Variants in GAB2 observed in about 807,000 individuals in gnomAD.
GAB2 encodes GRB2-associated-binding protein 2.
GAB2 carries 26 observed loss-of-function variants against 65.5 expected under a neutral mutation model. That is an observed-to-expected ratio of 0.40 (90% CI 0.29 to 0.55). The LOEUF (loss-of-function observed/expected upper bound fraction) is 0.55. GAB2 is among the 20% of genes least tolerant of loss of function. The pLI is 0.53. For missense variants in GAB2, 884 were observed against 875.8 expected (o/e 1.01, Z -0.12); for synonymous variants, 321 against 329.6 (o/e 0.97, Z 0.28).
intron 3 of GAB2, among the ~76,000 whole-genome samples, chr11:78,228,768 A>G (rs1864758148): frequency 6.7e-6 from 1 of 148,548 alleles, no homozygotes; most frequent in Non-Finnish European, 1.5e-5. Context: ...CCAAGCCAAC[A>G]GCCATGGGCT....
chr11:78,356,594 A>C (rs1265603957), intron 1 of GAB2, among the ~76,000 whole-genome samples: 1 of 152,226 alleles, frequency 6.6e-6, no homozygotes, highest in Non-Finnish European at 1.5e-5. Context: ...TTGAGCAATT[A>C]AGTTAGCCTA....
At chr11:78,261,065 ATG>A (rs1239718466) in intron 2 of GAB2, among the ~76,000 whole-genome samples, 1 of 137,210 alleles carries the variant, frequency 7.3e-6, no homozygotes. Context: ...ATATGTATGT[ATG>A]TATATATATA....
rs533236792 is a variant in GAB2, at chr11:78,330,323, G to T, written c.76-49422C>A. Among the ~76,000 whole-genome samples the T allele has an allele frequency of 3.3e-5, 5 of 152,250 alleles. No individual in the cohort carries two copies. The South Asian group carries it at 6.2e-4, about 19-fold the overall frequency. On this transcript the variant is annotated intron_variant, in intron 1 of 9. Coordinates refer to ENST00000361507, the MANE Select transcript of GAB2 (RefSeq NM_080491.3). ...TTCCATTTCTCACAGTGATCCCTGG[G>T]TATAAAAATAAAGAAGTTTGAGTGA...
chr11:78,392,566 T>A (rs1856847514), intron 1 of GAB2, among the ~76,000 whole-genome samples: 3 of 152,140 alleles, frequency 2.0e-5, no homozygotes, highest in Admixed American at 6.5e-5. Flanking sequence ...AGTAACTTTG[T>A]GGAATGATCG....
intron 1 of GAB2, among the ~76,000 whole-genome samples, chr11:78,359,284 C>T (rs1232684463): frequency 1.3e-5 from 2 of 152,094 alleles, no homozygotes; most frequent in Non-Finnish European, 2.9e-5. Context: ...ATAGAAACCA[C>T]ATATGGTAAT....
chr11:78,326,400 T>A (rs1164943810), intron 1 of GAB2, among the ~76,000 whole-genome samples: 1 of 152,224 alleles, frequency 6.6e-6, no homozygotes, highest in East Asian at 1.9e-4. Context: ...TTATTTGGAT[T>A]TCTTTATAAA....
chr11:78,327,480 A>G (rs1014682570), intron 1 of GAB2, among the ~76,000 whole-genome samples: 4 of 152,350 alleles, frequency 2.6e-5, no homozygotes, highest in South Asian at 4.1e-4. Context: ...GAAGCATGGA[A>G]CAAAGGAAAT....
At chr11:78,274,433 A>G (rs1866109996) in intron 2 of GAB2, among the ~76,000 whole-genome samples, 1 of 152,172 alleles carries the variant, frequency 6.6e-6, no homozygotes, top group African/African-American at 2.4e-5. Context: ...CTACACAGAA[A>G]ACAATGTGAA....
intron 1 of GAB2, among the ~76,000 whole-genome samples, chr11:78,386,030 C>G (rs115265108): frequency 0.017 from 2,649 of 152,324 alleles, 90 homozygotes; most frequent in African/African-American, 0.062. Context: ...CATCCCCAGT[C>G]AGTGCCTGAG....
intron 3 of GAB2, among the ~76,000 whole-genome samples, chr11:78,245,618 G>A (rs948301057): frequency 2.0e-5 from 3 of 152,192 alleles, no homozygotes; most frequent in African/African-American, 4.8e-5. Context: ...AGAAAACCAG[G>A]TGAAAACCTC....
At chr11:78,247,049 G>T (rs901052002) in intron 3 of GAB2, among the ~76,000 whole-genome samples, 1 of 152,026 alleles carries the variant, frequency 6.6e-6, no homozygotes, top group Admixed American at 6.5e-5. Context: ...GCCCCAATGG[G>T]GCTCCTCTTC....
chr11:78,366,354 T>C (rs529578062), intron 1 of GAB2, among the ~76,000 whole-genome samples: 43 of 152,034 alleles, frequency 2.8e-4, no homozygotes, highest in African/African-American at 1.0e-3. Context: ...CCGAGGCAGG[T>C]GGATCACCTG....
chr11:78,357,485 G>A (rs986770500), intron 1 of GAB2, among the ~76,000 whole-genome samples: 2 of 152,142 alleles, frequency 1.3e-5, no homozygotes, highest in South Asian at 2.1e-4. Flanking sequence ...GCAACCTACA[G>A]AATGGGAGAA....
intron 1 of GAB2, among the ~76,000 whole-genome samples, chr11:78,364,776 T>A (rs752484314): frequency 2.0e-5 from 3 of 152,144 alleles, no homozygotes; most frequent in Non-Finnish European, 2.9e-5. Context: ...TCCTGAGAAA[T>A]TTTCCCCAAA....
rs1335395792 is a variant in GAB2 at position 78,216,818 on chromosome 11, G to T, written c.*2454C>A. The T allele has an allele frequency of 2.0e-5, 3 of 152,200 alleles. No individual in the cohort carries two copies. The highest frequency in any genetic ancestry group is 4.4e-5 in the Non-Finnish European group (3 of 68,070). 9.4% of individuals were successfully genotyped at this position (152,200 alleles called of 1,614,324 possible). A position where few individuals can be genotyped will look rare whatever the true frequency, so the allele number is the denominator to read the frequency against. ...CCAGTTAAAAGCTCTGTCGTATGGG[G>T]CCCCTTGTAGGGGGCCTTTAAGGCA... On this transcript the variant is annotated 3_prime_UTR_variant, in exon 10 of 10. Coordinates refer to ENST00000361507, the MANE Select transcript of GAB2 (RefSeq NM_080491.3).
chr11:78,369,788 C>T (rs1856543178), intron 1 of GAB2, among the ~76,000 whole-genome samples: 1 of 152,144 alleles, frequency 6.6e-6, no homozygotes, highest in African/African-American at 2.4e-5. Context: ...TCGGACACTA[C>T]TATAAAGATA....
Position 78,226,620 on chromosome 11 carries a change from G to GCCC in GAB2, c.1051_1052insGGG (p.Pro351delinsArgAla). 2.0e-6 allele frequency: 3 copies of GCCC among 1,500,468 alleles called. No individual in the cohort carries two copies. The highest frequency in any genetic ancestry group is 2.3e-5 in the South Asian group (2 of 88,862). 92.9% of individuals were successfully genotyped at this position (1,500,468 alleles called of 1,614,324 possible). Reference sequence around the variant, plus strand: ...ACTTGGCTTGGGGGGGCGGGGTGGGGGAGCTATGGCTGAGTCCCCAGGAGT... The same window carrying GCCC: ...ACTTGGCTTGGGGGGGCGGGGTGGGGCCCGAGCTATGGCTGAGTCCCCAGGAGT... On this transcript the variant is annotated protein_altering_variant, in exon 4 of 10. Coordinates refer to ENST00000361507, the MANE Select transcript of GAB2 (RefSeq NM_080491.3).
chr11:78,331,771 C>T (rs1022042632), intron 1 of GAB2, among the ~76,000 whole-genome samples: 42 of 152,118 alleles, frequency 2.8e-4, no homozygotes, highest in Non-Finnish European at 5.6e-4. Flanking sequence ...ACCAAACTCA[C>T]AATAGACCAA....
chr11:78,365,858 C>T (rs1042419103), intron 1 of GAB2, among the ~76,000 whole-genome samples: 4 of 152,206 alleles, frequency 2.6e-5, no homozygotes, highest in African/African-American at 9.7e-5. Flanking sequence ...TCCAGAATGA[C>T]AAGTCCTCCA....
Sources: allele counts gnomAD v4.1 joint callset (sites outside exome capture counted in the v4.1 genomes callset), GRCh38; gene constraint gnomAD v4.1.1; transcripts MANE v1.5; gene names NCBI Gene and HGNC (gene_info 2026-07-23, HGNC 2026-07-21).